The following DHRSX variants were observed in gnomAD, a reference collection of about 807,000 sequenced individuals.
DHRSX encodes the protein dehydrogenase/reductase X-linked.
DHRSX carries 31 observed loss-of-function variants against 34.0 expected under a neutral mutation model. The observed-to-expected ratio is 0.91, with a 90% CI of 0.69 to 1.23. The LOEUF (loss-of-function observed/expected upper bound fraction) is 1.23, where lower values mean the gene tolerates loss of function less well. DHRSX is among the 50% of genes most tolerant of loss of function. The pLI, the probability that DHRSX is intolerant of heterozygous loss-of-function variation, is 0.00. For synonymous variants in DHRSX, 201 were observed against 183.8 expected, an observed-to-expected ratio of 1.09 and a Z score of -0.76; for missense variants, 414 against 428.1, an observed-to-expected ratio of 0.97 and a Z score of 0.29.
intron 3 of DHRSX, among the ~76,000 whole-genome samples, chrX:2,405,736 G>A (rs2043545313): frequency 6.6e-6 from 1 of 152,000 alleles, no homozygotes; most frequent in South Asian, 2.1e-4. Flanking sequence ...GGCGGAGGTT[G>A]CAGTGAGCCG....
At chrX:2,459,966 G>C (rs2044380035) in intron 1 of DHRSX, among the ~76,000 whole-genome samples, 1 of 151,958 alleles carries the variant, frequency 6.6e-6, no homozygotes, top group South Asian at 2.1e-4. Flanking sequence ...AAATTAGCCG[G>C]GTGTGGTGGC....
chrX:2,479,788 TCCCTAA>T (rs1260787331), intron 1 of DHRSX, among the ~76,000 whole-genome samples: 1 of 150,288 alleles, frequency 6.7e-6, no homozygotes, highest in Non-Finnish European at 1.5e-5. Context: ...CTGTAGACGT[TCCCTAA>T]GCATGCAGCA....
intron 3 of DHRSX, among the ~76,000 whole-genome samples, chrX:2,399,909 C>G (rs1188730321): frequency 1.3e-5 from 2 of 151,640 alleles, no homozygotes; most frequent in Non-Finnish European, 2.9e-5. Context: ...TGTAGTGGTG[C>G]ATGCTACTAG....
At chrX:2,448,101 G>T (rs1307786931) in intron 1 of DHRSX, among the ~76,000 whole-genome samples, 1 of 151,262 alleles carries the variant, frequency 6.6e-6, no homozygotes, top group Non-Finnish European at 1.5e-5. Flanking sequence ...TACTTGGGAG[G>T]CTGAGGCAGG....
intron 3 of DHRSX, among the ~76,000 whole-genome samples, chrX:2,325,416 C>A (rs1248810710): frequency 6.6e-6 from 1 of 152,100 alleles, no homozygotes; most frequent in East Asian, 1.9e-4. Context: ...TTCAAAACGG[C>A]GGCTCCATCT....
intron 3 of DHRSX, among the ~76,000 whole-genome samples, chrX:2,401,639 C>G (rs1375161829): frequency 2.0e-5 from 3 of 152,218 alleles, no homozygotes; most frequent in African/African-American, 7.2e-5. Context: ...CTCTCCCCAT[C>G]TGAGTTCATT....
chrX:2,370,917 C>A (rs1486553761), intron 3 of DHRSX, among the ~76,000 whole-genome samples: 1 of 152,096 alleles, frequency 6.6e-6, no homozygotes, highest in Non-Finnish European at 1.5e-5. Flanking sequence ...ATGACTGAAC[C>A]CCACATCGAA....
chrX:2,399,739 A>C (rs1326767984), intron 3 of DHRSX, among the ~76,000 whole-genome samples: 3 of 144,784 alleles, frequency 2.1e-5, no homozygotes, highest in Non-Finnish European at 4.5e-5. Flanking sequence ...AAAAAAAAAA[A>C]AAACAAAAAA....
chrX:2,253,532 A>G (rs915582568), intron 5 of DHRSX, among the ~76,000 whole-genome samples: 2 of 151,258 alleles, frequency 1.3e-5, no homozygotes, highest in South Asian at 2.1e-4. Flanking sequence ...CCGTGAGCCA[A>G]TCAGCAAAGA....
intron 6 of DHRSX, among the ~76,000 whole-genome samples, chrX:2,240,764 T>C (rs911067696): frequency 7.2e-5 from 11 of 152,192 alleles, no homozygotes; most frequent in Middle Eastern, 3.4e-3. Flanking sequence ...AAGGGAGAAA[T>C]AGAAAAGCTT....
chrX:2,404,890 C>G (rs1479264994), intron 3 of DHRSX, among the ~76,000 whole-genome samples: 1 of 152,214 alleles, frequency 6.6e-6, no homozygotes, highest in Non-Finnish European at 1.5e-5. Context: ...TCCCTCTACA[C>G]AGAAACCAAT....
intron 5 of DHRSX, among the ~76,000 whole-genome samples, chrX:2,245,437 T>C (rs1179545940): frequency 6.6e-6 from 1 of 151,620 alleles, no homozygotes; most frequent in Non-Finnish European, 1.5e-5. Context: ...GCCTCCCGAG[T>C]AGCTGGGATT....
chrX:2,252,000 G>C (rs62595487), intron 5 of DHRSX, among the ~76,000 whole-genome samples: 1 of 151,782 alleles, frequency 6.6e-6, no homozygotes, highest in African/African-American at 2.4e-5. Flanking sequence ...CACTTTGGGA[G>C]GCTGAGGTGG....
chrX:2,455,736 C>T lies in DHRSX; in HGVS notation c.110-30432G>A, dbSNP rs758009321. ...AGCCTTGGCGACAAGAACAAAACTT[C>T]GTCTCAAAAAAAAAAAAAAAAAAAA... On this transcript the variant is annotated intron_variant, in intron 1 of 6. Transcript: ENST00000334651. 4.3e-5 allele frequency among the ~76,000 whole-genome samples: 5 copies of T among 117,438 alleles called. No individual in the cohort carries two copies. In the South Asian group the frequency reaches 1.5e-3, roughly 36 times the overall value. The allele number at this position is 117,438 out of a possible 152,430, so 77.0% of individuals were successfully genotyped here. A position where few individuals can be genotyped will look rare whatever the true frequency, so the allele number is the denominator to read the frequency against.
intron 3 of DHRSX, among the ~76,000 whole-genome samples, chrX:2,395,911 C>T (rs766569152): frequency 3.9e-5 from 6 of 152,204 alleles, no homozygotes; most frequent in African/African-American, 7.2e-5. Context: ...ACTCGTCTCC[C>T]GAGGCTGCTG....
chrX:2,300,303 G>GC (rs1569485390), intron 3 of DHRSX, among the ~76,000 whole-genome samples: 1 of 152,112 alleles, frequency 6.6e-6, no homozygotes, highest in Non-Finnish European at 1.5e-5. Context: ...TGCAGACAGG[G>GC]CCTGTAGGAG....
At chrX:2,398,104 C>T (rs1256645575) in intron 3 of DHRSX, among the ~76,000 whole-genome samples, 1 of 152,136 alleles carries the variant, frequency 6.6e-6, no homozygotes, top group Non-Finnish European at 1.5e-5. Context: ...GAAGGGGGCT[C>T]GCTTGCAGAC....
chrX:2,277,144 A>AG (rs1419104307), intron 4 of DHRSX, among the ~76,000 whole-genome samples: 33 of 5,950 alleles, frequency 5.5e-3, no homozygotes, highest in South Asian at 0.016. Context: ...GAGAAGGAAG[A>AG]GGAGGAAATA....
chrX:2,326,159 C>T (rs1378097914), intron 3 of DHRSX, among the ~76,000 whole-genome samples: 1 of 152,168 alleles, frequency 6.6e-6, no homozygotes, highest in Non-Finnish European at 1.5e-5. Flanking sequence ...CTGGAGCCAG[C>T]ACCTGATGGA....
Sources: allele counts gnomAD v4.1 joint callset (sites outside exome capture counted in the v4.1 genomes callset), GRCh38; gene constraint gnomAD v4.1.1; transcripts MANE v1.5; gene names NCBI Gene and HGNC (gene_info 2026-07-23, HGNC 2026-07-21).